Variants in KIF13A observed in about 807,000 individuals in gnomAD.
KIF13A encodes the protein kinesin family member 13A.
In KIF13A, 79 loss-of-function variants were observed where a neutral mutation model predicts 212.2. That is an observed-to-expected ratio of 0.37 (90% CI 0.31 to 0.45). KIF13A has a LOEUF of 0.45. KIF13A is among the 20% of genes least tolerant of loss of function. KIF13A has a pLI of 1.00. For missense variants in KIF13A, 1,901 were observed against 2,209.0 expected (o/e 0.86, Z 2.79); for synonymous variants, 789 against 808.6 (o/e 0.98, Z 0.41).
At position 17,949,414 on chromosome 6, in the gene KIF13A, G is replaced by C. The variant is rs566669959; in HGVS notation, c.146+37640C>G. Among the ~76,000 whole-genome samples, 40 of 152,288 alleles carry C rather than the reference G, an allele frequency of 2.6e-4. 4 individuals carry two copies. In the South Asian group the frequency reaches 8.3e-3, roughly 32 times the overall value. ...TTTAATTCTGGCTACTGAGTGATTA[G>C]AGAAATAGTAAGTAGCTGCTGATAT... On this transcript the variant is annotated intron_variant, in intron 2 of 38. Coordinates refer to ENST00000259711, the MANE Select transcript of KIF13A (RefSeq NM_022113.6).
At chr6:17,949,727 C>T (rs1777701305) in intron 2 of KIF13A, among the ~76,000 whole-genome samples, 1 of 152,024 alleles carries the variant, frequency 6.6e-6, no homozygotes. Context: ...AGGGGGTTCA[C>T]TGCCTTCAGT....
At position 17,794,638 on chromosome 6, in the gene KIF13A, C is replaced by T; in HGVS notation, c.3009G>A (p.Glu1003=). Reference sequence around the variant, plus strand: ...CCTGATGAAGTTCCACTGCAGCATACTCTCCTAACTCATTCAATTCTAATA... The same window carrying T: ...CCTGATGAAGTTCCACTGCAGCATATTCTCCTAACTCATTCAATTCTAATA... ...ISILELNELG[E]YAAVELHQAK... The change falls in exon 24 of 39, where the codon GAG becomes GAA. Residue 1003 remains glutamate (E), a synonymous_variant. Coordinates refer to ENST00000259711, the MANE Select transcript of KIF13A (RefSeq NM_022113.6). The surrounding 1 kb of genome is among the most constrained non-coding windows in gnomAD (Gnocchi z 4.1). 4.3e-6 allele frequency: 7 copies of T among 1,613,314 alleles called. No homozygotes were observed. The highest frequency in any genetic ancestry group is 2.2e-5 in the East Asian group (1 of 44,864).
Position 17,980,553 on chromosome 6 carries a change from G to C in KIF13A, c.146+6501C>G, listed in dbSNP as rs202243430. Among the ~76,000 whole-genome samples, 5 of 152,070 alleles carry C rather than the reference G, an allele frequency of 3.3e-5. No individual in the cohort carries two copies. The East Asian group carries it at 7.7e-4, about 23-fold the overall frequency. Reference sequence around the variant, plus strand: ...AAGGGCCAAGGAGAAATGTCTCTAAGAAGAGGAACTCTAGAGAGCACCTGA... The same window carrying C: ...AAGGGCCAAGGAGAAATGTCTCTAACAAGAGGAACTCTAGAGAGCACCTGA... On this transcript the variant is annotated intron_variant, in intron 2 of 38. Coordinates refer to ENST00000259711, the MANE Select transcript of KIF13A (RefSeq NM_022113.6).
chr6:17,882,364 T>C (rs1406474825), intron 3 of KIF13A, among the ~76,000 whole-genome samples: 1 of 152,168 alleles, frequency 6.6e-6, no homozygotes, highest in African/African-American at 2.4e-5. Flanking sequence ...AAAAGTAATT[T>C]TTTTCCCTAA....
At position 17,834,556 on chromosome 6, in the gene KIF13A, T is replaced by C. The variant is rs1399775201; in HGVS notation, c.1156-485A>G. ...CTTTCTCCACTGATGGTCATGCATT[T>C]TGTTATTTATCATTATCATTCACCC... On this transcript the variant is annotated intron_variant, in intron 11 of 38. Coordinates refer to ENST00000259711, the MANE Select transcript of KIF13A (RefSeq NM_022113.6). The surrounding 1 kb of genome is among the most constrained non-coding windows in gnomAD (Gnocchi z 4.0). 6.6e-6 allele frequency among the ~76,000 whole-genome samples: 1 copy of C among 152,212 alleles called. No homozygotes were observed. Among genetic ancestry groups the C allele is most frequent in the Non-Finnish European group, 1.5e-5 (1 of 68,036 alleles).
chr6:17,834,991 T>C lies in KIF13A; in HGVS notation c.1156-920A>G, dbSNP rs934058653. On this transcript the variant is annotated intron_variant, in intron 11 of 38. Transcript: ENST00000259711. This position sits in a 1 kb window ranked among gnomAD's most constrained non-coding sequence, Gnocchi z 4.0. ...GTGAATCACTTGAGACCAGCCTGGC[T>C]AACATGGCGAAACCCTGTCTCTACT... Among the ~76,000 whole-genome samples the C allele has an allele frequency of 4.0e-5, 6 of 151,736 alleles. No homozygotes were observed. Among genetic ancestry groups the C allele is most frequent in the Non-Finnish European group, 8.8e-5 (6 of 67,940 alleles).
At chr6:17,954,598 C>G (rs1034808880) in intron 2 of KIF13A, among the ~76,000 whole-genome samples, 1 of 152,112 alleles carries the variant, frequency 6.6e-6, no homozygotes, top group Non-Finnish European at 1.5e-5. Context: ...AATATTATAT[C>G]TTCCTTTATA....
intron 2 of KIF13A, among the ~76,000 whole-genome samples, chr6:17,965,198 G>C (rs989531861): frequency 2.2e-4 from 33 of 152,104 alleles, no homozygotes; most frequent in Admixed American, 7.2e-4. Context: ...AAGAAGTCTG[G>C]ATTAATTTTC....
intron 3 of KIF13A, among the ~76,000 whole-genome samples, chr6:17,896,063 TC>T (rs1425076686): frequency 6.6e-6 from 1 of 152,152 alleles, no homozygotes; most frequent in East Asian, 1.9e-4. Context: ...CCACACAGAC[TC>T]CAGTCCTACT....
At position 17,831,164 on chromosome 6, in the gene KIF13A, T is replaced by C; in HGVS notation, c.1338A>G (p.Lys446=). ...CTGCATTCAGATTGACTAAGTAGCA[T>C]TTGTCATCCCCCACCTTGATACCGG... ...EMSGIKVGDD[K]CYLVNLNADP... is the part of the protein sequence containing the mutation. Residue 446 remains lysine, a synonymous_variant, in exon 13 of 39, where the codon AAA becomes AAG. Transcript: ENST00000259711. 1 of 1,613,946 alleles carries C rather than the reference T, an allele frequency of 6.2e-7. No individual in the cohort carries two copies. The highest frequency in any genetic ancestry group is 8.5e-7 in the Non-Finnish European group (1 of 1,179,838).
chr6:17,760,970 C>T (rs1758557205), downstream of KIF13A: 32 of 1,279,892 alleles, frequency 2.5e-5, no homozygotes, highest in Non-Finnish European at 3.4e-5. Context: ...ACACCCATCA[C>T]AAGAAAGGGG....
chr6:17,814,224 T>C (rs544272219), intron 17 of KIF13A, among the ~76,000 whole-genome samples: 1 of 146,164 alleles, frequency 6.8e-6, no homozygotes, highest in East Asian at 2.0e-4. Flanking sequence ...GTGCTGGGAT[T>C]ACAGGCATGA....
chr6:17,902,690 C>T (rs1045425189), intron 2 of KIF13A, among the ~76,000 whole-genome samples: 2 of 152,202 alleles, frequency 1.3e-5, no homozygotes, highest in Non-Finnish European at 2.9e-5. Context: ...TCTTGGCCTT[C>T]ACTACTTCTA....
intron 9 of KIF13A, among the ~76,000 whole-genome samples, chr6:17,842,838 A>C (rs1318167990): frequency 6.6e-6 from 1 of 152,168 alleles, no homozygotes; most frequent in Non-Finnish European, 1.5e-5. Flanking sequence ...CAGTGAGAAA[A>C]AACCGAGTTA....
At chr6:17,923,783 T>G (rs1224613736) in intron 2 of KIF13A, among the ~76,000 whole-genome samples, 2 of 152,238 alleles carry the variant, frequency 1.3e-5, no homozygotes, top group African/African-American at 4.8e-5. Context: ...AATCACCTTT[T>G]CACCAGTGTC....
downstream of KIF13A, chr6:17,760,820 C>T (rs767235308): frequency 9.9e-6 from 16 of 1,611,262 alleles, no homozygotes; most frequent in African/African-American, 6.7e-5. Context: ...CGAACAAAGA[C>T]GCCAAGCTGT....
At chr6:17,894,659 A>C (rs1461763757) in intron 3 of KIF13A, among the ~76,000 whole-genome samples, 4 of 152,164 alleles carry the variant, frequency 2.6e-5, no homozygotes, top group African/African-American at 9.7e-5. Context: ...ATAACTGATG[A>C]ACCAATATTG....
At chr6:17,936,978 G>A (rs1776525024) in intron 2 of KIF13A, among the ~76,000 whole-genome samples, 1 of 152,314 alleles carries the variant, frequency 6.6e-6, no homozygotes, top group East Asian at 1.9e-4. Flanking sequence ...AGAAGGTCCA[G>A]ACTAGCCTGG....
intron 17 of KIF13A, among the ~76,000 whole-genome samples, chr6:17,814,614 C>A (rs1406783714): frequency 6.6e-6 from 1 of 151,926 alleles, no homozygotes; most frequent in Non-Finnish European, 1.5e-5. Flanking sequence ...GCAGAGAAAA[C>A]TGGGTTCAAA....
Sources: gnomAD v4.1 joint callset for allele counts (sites outside exome capture counted in the v4.1 genomes callset) on GRCh38, gnomAD v4.1.1 for gene constraint, Gnocchi (gnomAD v3.1) non-coding constraint, MANE v1.5 for transcripts, NCBI Gene and HGNC (gene_info 2026-07-23, HGNC 2026-07-21) for gene names.